The following KIF1A variants were observed in gnomAD, a reference collection of about 807,000 sequenced individuals.
The protein encoded by KIF1A is kinesin-like protein KIF1A.
A neutral mutation model predicts 227.3 loss-of-function variants in KIF1A; 46 were observed. The ratio of observed to expected loss-of-function variants is 0.20; its 90% CI spans 0.16 to 0.26. The LOEUF (loss-of-function observed/expected upper bound fraction) is 0.26. Among genes scored for constraint, KIF1A ranks in the 10% least tolerant of loss-of-function variants. The probability of loss-of-function intolerance (pLI) is 1.00; values close to 1 mark genes in which losing one functional copy is unlikely to be tolerated. For synonymous variants in KIF1A, 1,022 were observed against 1,012.8 expected, an observed-to-expected ratio of 1.01 and a Z score of -0.17; for missense variants, 1,683 against 2,485.9, an observed-to-expected ratio of 0.68 and a Z score of 6.87.
chr2:240,744,154 C>T, intron 32 of KIF1A, 94 bp from the exon 33 acceptor site: 2 of 878,162 alleles, frequency 2.3e-6, no homozygotes, highest in Non-Finnish European at 3.8e-6. Flanking sequence ...CGCTTCAGGC[C>T]CAGATCTGGG....
intron 5 of KIF1A, 57 bp from the exon 6 acceptor site, chr2:240,786,570 C>A (rs563451035): frequency 3.2e-6 from 5 of 1,541,830 alleles, no homozygotes. Flanking sequence ...GGGGCTGCCA[C>A]TGGGGGGACC....
rs770282705 is a variant in KIF1A, at chr2:240,771,067, C to A, written c.1245G>T (p.Ser415=). 2 of 1,613,414 alleles carry A rather than the reference C, an allele frequency of 1.2e-6. No homozygotes were observed. The highest frequency in any genetic ancestry group is 2.2e-5 in the East Asian group (1 of 44,872). ...CCGCGCGGCTGGACAGGGCTGAGAG[C>A]GAGGATGAGGGGCTCATACCCACCA... ...NALVGMSPSS[S]LSALSSRAAS... is the part of the protein sequence containing the mutation. Residue 415 remains serine, a synonymous_variant, in exon 15 of 49, where the codon TCG becomes TCT. Transcript: ENST00000498729.
rs1205853273 is a variant in KIF1A, at chr2:240,740,315, T to C, written c.3799A>G (p.Thr1267Ala). The C allele has an allele frequency of 7.4e-6, 12 of 1,612,920 alleles. No individual in the cohort carries two copies. Among genetic ancestry groups the C allele is most frequent in the Non-Finnish European group, 1.0e-5 (12 of 1,179,634 alleles). ...GCTCACACCTGGTGGAGGAGGAAGG[T>C]CCCCATGCATGGCATGCCCCCACGG... ...DHRGGMPCMGTFLLHQGIQRR... is the reference protein window; with the variant it reads ...DHRGGMPCMGAFLLHQGIQRR... The change falls in exon 36 of 49, where the codon ACC becomes GCC. Residue 1267 changes from threonine to alanine, a missense_variant. Thr to Ala is a moderately conservative substitution (Grantham distance 58). Coordinates refer to ENST00000498729, the MANE Select transcript of KIF1A (RefSeq NM_001244008.2). The surrounding 1 kb of genome is among the most constrained non-coding windows in gnomAD (Gnocchi z 6.1).
rs1388932178 is a variant in KIF1A at position 240,737,085 on chromosome 2, T to G, written c.3985A>C (p.Ile1329Leu). 6.2e-7 allele frequency: 1 copy of G among 1,613,248 alleles called. No homozygotes were observed. Among genetic ancestry groups the G allele is most frequent in the South Asian group, 1.1e-5 (1 of 91,058 alleles). Reference protein sequence around the residue: ...LSLNILSSGYIHPAQDDRTFY... With the variant: ...LSLNILSSGYLHPAQDDRTFY... ...CACCGGTCATCTTGGGCTGGGTGGA[T>G]GTATCCGGAAGAGAGGATGTTGAGA... Residue 1329 changes from isoleucine (I) to leucine (L), a missense_variant, in exon 38 of 49, where the codon ATC (isoleucine) becomes CTC (leucine). Around this residue, in one of 12 missense-constraint regions of KIF1A, gnomAD observed 759 missense variants for 1,020.2 expected, o/e 0.74. Transcript: ENST00000498729.
chr2:240,805,043 AAGTGGGGAGGGAGAGGGGAGGGAGAGGG>A, intron 1 of KIF1A, among the ~76,000 whole-genome samples: 1 of 104,132 alleles, frequency 9.6e-6, no homozygotes, highest in East Asian at 3.4e-4. Flanking sequence ...GAGGGGAGGG[AAGTGGGGAGGGAGAGGGGAGGGAGAGGG>A]CAGGGAGAGG....
intron 1 of KIF1A, among the ~76,000 whole-genome samples, chr2:240,802,572 G>T (rs2126178747): frequency 6.6e-6 from 1 of 152,288 alleles, no homozygotes; most frequent in East Asian, 1.9e-4. Context: ...GAAAACAAAA[G>T]GATGAAAATT....
In KIF1A at chr2:240,717,399, G is replaced by A; in HGVS notation, c.5341C>T (p.Leu1781Phe). The A allele has an allele frequency of 1.2e-6, 2 of 1,611,488 alleles. No homozygotes were observed. Among genetic ancestry groups the A allele is most frequent in the Non-Finnish European group, 8.5e-7 (1 of 1,179,510 alleles). Residue 1781 changes from leucine (L) to phenylalanine (F), a missense_variant, in exon 49 of 49, where the codon CTC becomes TTC. Physicochemically the swap from Leu to Phe is conservative, Grantham distance 22 (BLOSUM62 0). Transcript: ENST00000498729. ...ATCTGGGCAGACCTCCTTCTGGAGA[G>A]CTTGGACCTGCAGAAGAGTTGGGAG... ...PLLAGTIRSK[L>F]SRRRSAQMRV
chr2:240,734,916 A>G (rs1166363844), intron 38 of KIF1A, among the ~76,000 whole-genome samples: 1 of 152,048 alleles, frequency 6.6e-6, no homozygotes, highest in Non-Finnish European at 1.5e-5. Context: ...GGAAAAGCGC[A>G]TGGAAGGCCA....
rs2051895639 is a variant in KIF1A at position 240,771,054 on chromosome 2, A to G, written c.1258T>C (p.Ser420Pro). Reference protein sequence around the residue: ...MSPSSSLSALSSRAASVSSLH... With the variant: ...MSPSSSLSALPSRAASVSSLH... ...CTGGACACGGAGGCCGCGCGGCTGGACAGGGCTGAGAGCGAGGATGAGGGG... is the reference window on the plus strand; with the variant it reads ...CTGGACACGGAGGCCGCGCGGCTGGGCAGGGCTGAGAGCGAGGATGAGGGG... The change falls in exon 15 of 49, where the codon TCC (serine) becomes CCC (proline). Residue 420 changes from serine to proline, a missense_variant. By Grantham distance (74) the Ser-to-Pro change is moderately conservative (BLOSUM62 -1). This residue lies in a region of KIF1A where 110 missense variants were observed against 133.1 expected (regional missense o/e 0.83). Transcript: ENST00000498729. 1.2e-6 allele frequency: 2 copies of G among 1,613,358 alleles called. No homozygotes were observed. The highest frequency in any genetic ancestry group is 3.3e-5 in the Admixed American group (2 of 60,000).
In KIF1A at chr2:240,773,486, C is replaced by T. The variant is rs141336868; in HGVS notation, c.1038-230G>A. ...AGAGAAGACTTACAAGGGAGGTCAC[C>T]CAGTTCCCGCTCGCCCACTTGGGGA... On this transcript the variant is annotated intron_variant, in intron 12 of 48. Transcript: ENST00000498729. 0.018 allele frequency among the ~76,000 whole-genome samples: 2,716 copies of T among 152,262 alleles called. 31 individuals carry two copies. Among genetic ancestry groups the T allele is most frequent in the South Asian group, 0.031 (149 of 4,826 alleles).
Position 240,789,147 on chromosome 2 carries a change from G to T in KIF1A, c.183+89C>A. 9.5e-7 allele frequency: 1 copy of T among 1,049,374 alleles called. No homozygotes were observed. The highest frequency in any genetic ancestry group is 1.3e-5 in the South Asian group (1 of 76,512). The allele number at this position is 1,049,374 out of a possible 1,614,324, so 65.0% of individuals were successfully genotyped here. ...GTCCTCGCCCCAGTTAGAGAGGAAT[G>T]AGCGGCTCAGAGAAGTTGAGGGACC... On this transcript the variant is annotated intron_variant, in intron 3 of 48. Coordinates refer to ENST00000498729, the MANE Select transcript of KIF1A (RefSeq NM_001244008.2). The surrounding 1 kb of genome is among the most constrained non-coding windows in gnomAD (Gnocchi z 4.8).
chr2:240,818,343 C>T (rs79546799), intron 1 of KIF1A, among the ~76,000 whole-genome samples: 1 of 152,214 alleles, frequency 6.6e-6, no homozygotes, highest in African/African-American at 2.4e-5. Flanking sequence ...ACGCTGGGCC[C>T]CTCAGCCAGC....
rs915433180 is a variant in KIF1A at position 240,722,608 on chromosome 2, C to T, written c.4513G>A (p.Ala1505Thr). ...AGTGCCTCCGGGACAGGCCGCTGGG[C>T]GGTCTCCAGCTTCTCCCGCAGGAGC... ...YLLLREKLET[A>T]QRPVPEALSP... Residue 1505 changes from alanine (A) to threonine (T), a missense_variant, in exon 43 of 49, where the codon GCC becomes ACC. Physicochemically the swap from Ala to Thr is moderately conservative, Grantham distance 58. This residue lies in a region of KIF1A where 384 missense variants were observed against 410.1 expected (regional missense o/e 0.94). Transcript: ENST00000498729. 1.9e-5 allele frequency: 29 copies of T among 1,563,514 alleles called. No individual in the cohort carries two copies. The highest frequency in any genetic ancestry group is 1.2e-4 in the South Asian group (10 of 85,004).
chr2:240,729,227 C>A (rs1436019054), intron 38 of KIF1A, among the ~76,000 whole-genome samples: 2 of 152,184 alleles, frequency 1.3e-5, no homozygotes, highest in East Asian at 3.8e-4. Context: ...CCCAAGCATT[C>A]GGTCCTGTGC....
At chr2:240,816,075 C>T (rs1403567809) in intron 1 of KIF1A, among the ~76,000 whole-genome samples, 1 of 152,010 alleles carries the variant, frequency 6.6e-6, no homozygotes, top group Non-Finnish European at 1.5e-5. Context: ...GGACCTAAAA[C>T]CTAATGTGGA....
chr2:240,813,629 C>T (rs1347702682), intron 1 of KIF1A, among the ~76,000 whole-genome samples: 2 of 152,254 alleles, frequency 1.3e-5, no homozygotes, highest in African/African-American at 2.4e-5. Flanking sequence ...CAGCCCCACC[C>T]CTTCACCTAA....
rs962729296 is a variant in KIF1A at position 240,793,465 on chromosome 2, C to A, written c.107-4153G>T. On this transcript the variant is annotated intron_variant, in intron 2 of 48. Coordinates refer to ENST00000498729, the MANE Select transcript of KIF1A (RefSeq NM_001244008.2). This position sits in a 1 kb window ranked among gnomAD's most constrained non-coding sequence, Gnocchi z 4.8. ...GGGGCCGCACATGGCTGAGGGTCCGCGTCCCCAGCCAGCCTCCAGCATCTG... is the reference window on the plus strand; with the variant it reads ...GGGGCCGCACATGGCTGAGGGTCCGAGTCCCCAGCCAGCCTCCAGCATCTG... 2.0e-5 allele frequency among the ~76,000 whole-genome samples: 3 copies of A among 152,192 alleles called. No individual in the cohort carries two copies. Among genetic ancestry groups the A allele is most frequent in the East Asian group, 3.9e-4 (2 of 5,192 alleles).
chr2:240,777,845 C>A (rs753544342), intron 10 of KIF1A, among the ~76,000 whole-genome samples: 1 of 152,226 alleles, frequency 6.6e-6, no homozygotes, highest in African/African-American at 2.4e-5. Flanking sequence ...AAAACCCTCT[C>A]GCGCGGCTCC....
chr2:240,767,411 C>G (rs1575596115), intron 17 of KIF1A, 66 bp from the exon 18 acceptor site: 3 of 1,315,068 alleles, frequency 2.3e-6, no homozygotes, highest in East Asian at 2.4e-5. Flanking sequence ...GCCACACCCC[C>G]CTCCAACCTC....
Sources: allele counts gnomAD v4.1 joint callset (sites outside exome capture counted in the v4.1 genomes callset), GRCh38; gene constraint gnomAD v4.1.1; regional missense constraint gnomAD v4.1.1; non-coding constraint Gnocchi (gnomAD v3.1); transcripts MANE v1.5; gene names NCBI Gene and HGNC (gene_info 2026-07-23, HGNC 2026-07-21).